Variants in PLG observed in about 807,000 individuals in gnomAD.
The protein encoded by PLG is plasmin.
A neutral mutation model predicts 104.4 loss-of-function variants in PLG; 41 were observed. The observed-to-expected ratio is 0.39, with a 90% CI of 0.31 to 0.51. The LOEUF (loss-of-function observed/expected upper bound fraction) is 0.51. Ranked by LOEUF, PLG falls within the 20% of genes least tolerant of loss-of-function variation. PLG has a pLI of 0.76. For synonymous variants in PLG, 337 were observed against 357.1 expected, an observed-to-expected ratio of 0.94 and a Z score of 0.63; for missense variants, 891 against 1,003.6, an observed-to-expected ratio of 0.89 and a Z score of 1.52.
At position 160,731,773 on chromosome 6, in the gene PLG, C is replaced by T; in HGVS notation, c.1467C>T (p.Tyr489=). The stretch of plus-strand genomic sequence containing the variant: ...GTATGTTTGGGAATGGGAAAGGATA[C>T]CGAGGCAAGAGGGCGACCACTGTTA... ...EDCMFGNGKG[Y]RGKRATTVTG... The change falls in exon 12 of 19, where the codon TAC becomes TAT. Residue 489 remains tyrosine (Y), a synonymous_variant. Coordinates refer to ENST00000308192, the MANE Select transcript of PLG (RefSeq NM_000301.5). The surrounding 1 kb of genome is among the most constrained non-coding windows in gnomAD (Gnocchi z 5.1). The T allele has an allele frequency of 1.2e-6, 2 of 1,613,978 alleles. No homozygotes were observed. The highest frequency in any genetic ancestry group is 1.7e-6 in the Non-Finnish European group (2 of 1,179,908).
At position 160,738,459 on chromosome 6, in the gene PLG, G is replaced by A. The variant is rs539227113; in HGVS notation, c.1803-79G>A. 8.4e-5 allele frequency: 74 copies of A among 883,814 alleles called. 1 individual carries two copies. The highest frequency in any genetic ancestry group is 5.1e-4 in the South Asian group (39 of 76,426). The allele number at this position is 883,814 out of a possible 1,614,324, so 54.7% of individuals were successfully genotyped here. ...TGAACATGGTCAAAATTAAGTGAACGTGTCTTTCTGGCTTTCTGTACAATG... is the reference window on the plus strand; with the variant it reads ...TGAACATGGTCAAAATTAAGTGAACATGTCTTTCTGGCTTTCTGTACAATG... On this transcript the variant is annotated intron_variant, in intron 14 of 18. Coordinates refer to ENST00000308192, the MANE Select transcript of PLG (RefSeq NM_000301.5). This position sits in a 1 kb window ranked among gnomAD's most constrained non-coding sequence, Gnocchi z 6.8.
chr6:160,746,222 C>T (rs1244613277), intron 17 of PLG, among the ~76,000 whole-genome samples: 4 of 152,192 alleles, frequency 2.6e-5, no homozygotes, highest in African/African-American at 9.7e-5. Context: ...GAAATGTTTT[C>T]TAAATTGTTT....
chr6:160,716,589 G>A (rs1777735644), intron 6 of PLG, 56 bp from the exon 7 acceptor site: 1 of 1,038,812 alleles, frequency 9.6e-7, no homozygotes, highest in Non-Finnish European at 1.5e-6. Context: ...TTGAAAAAGA[G>A]TCTTATCCAT....
intron 10 of PLG, among the ~76,000 whole-genome samples, chr6:160,728,269 A>C (rs1024850801): frequency 6.6e-6 from 1 of 152,242 alleles, no homozygotes; most frequent in Non-Finnish European, 1.5e-5. Context: ...TATGTACTGC[A>C]TACTAAAAAA....
intron 9 of PLG, among the ~76,000 whole-genome samples, chr6:160,720,405 C>CTTTTTTTTTTTTTTTT (rs1190930860): frequency 1.1e-4 from 7 of 61,822 alleles, no homozygotes; most frequent in African/African-American, 3.1e-4. Flanking sequence ...TTTTTCTTTT[C>CTTTTTTTTTTTTTTTT]TTTTCTTTTT....
At chr6:160,749,176 G>C (rs1778352285) in intron 17 of PLG, among the ~76,000 whole-genome samples, 1 of 152,174 alleles carries the variant, frequency 6.6e-6, no homozygotes. Flanking sequence ...TGAGCAGTTA[G>C]TTAATCTCTT....
chr6:160,707,978 A>G (rs1317878498), intron 3 of PLG, 172 bp downstream of exon 3: 1 of 630,792 alleles, frequency 1.6e-6, no homozygotes, highest in Non-Finnish European at 2.9e-6. Flanking sequence ...TGTCAGCTTG[A>G]GTGTATTACT....
rs551901998 is a variant in PLG at position 160,741,040 on chromosome 6, C to A, written c.2019-271C>A. Reference sequence around the variant, plus strand: ...CACAGAATATACATGAGAAGTGCGCCTTTGTCATCCCTACTTTCAAAGGTG... The same window carrying A: ...CACAGAATATACATGAGAAGTGCGCATTTGTCATCCCTACTTTCAAAGGTG... On this transcript the variant is annotated intron_variant, in intron 16 of 18. Coordinates refer to ENST00000308192, the MANE Select transcript of PLG (RefSeq NM_000301.5). The surrounding 1 kb of genome is among the most constrained non-coding windows in gnomAD (Gnocchi z 4.7). 7.2e-5 allele frequency among the ~76,000 whole-genome samples: 11 copies of A among 152,298 alleles called. No homozygotes were observed. The highest frequency in any genetic ancestry group is 2.4e-4 in the African/African-American group (10 of 41,576).
intron 17 of PLG, among the ~76,000 whole-genome samples, chr6:160,749,488 C>T (rs893144262): frequency 6.1e-5 from 9 of 147,198 alleles, no homozygotes; most frequent in Non-Finnish European, 1.1e-4. Flanking sequence ...ATCATCACCA[C>T]CACCACCACC....
At chr6:160,749,837 TATC>T (rs371391148) in intron 17 of PLG, among the ~76,000 whole-genome samples, 12 of 142,406 alleles carry the variant, frequency 8.4e-5, no homozygotes, top group African/African-American at 2.7e-4. Flanking sequence ...CCAGCACAAT[TATC>T]ATTACCACCA....
intron 17 of PLG, among the ~76,000 whole-genome samples, chr6:160,751,420 A>C (rs1335327160): frequency 1.3e-5 from 2 of 152,236 alleles, no homozygotes; most frequent in African/African-American, 2.4e-5. Flanking sequence ...GCGAGGATTA[A>C]GTGAGATACA....
In PLG at chr6:160,741,063, G is replaced by A. The variant is rs1364887016; in HGVS notation, c.2019-248G>A. 6.6e-6 allele frequency among the ~76,000 whole-genome samples: 1 copy of A among 152,196 alleles called. No individual in the cohort carries two copies. Among genetic ancestry groups the A allele is most frequent in the Non-Finnish European group, 1.5e-5 (1 of 68,036 alleles). On this transcript the variant is annotated intron_variant, in intron 16 of 18. Transcript: ENST00000308192. The surrounding 1 kb of genome is among the most constrained non-coding windows in gnomAD (Gnocchi z 4.7). ...GCCTTTGTCATCCCTACTTTCAAAG[G>A]TGAAGGCCACCAGCAGTATCTTGCA...
rs548836945 is a variant in PLG, at chr6:160,741,016, A to G, written c.2019-295A>G. On this transcript the variant is annotated intron_variant, in intron 16 of 18. Transcript: ENST00000308192. The surrounding 1 kb of genome is among the most constrained non-coding windows in gnomAD (Gnocchi z 4.7). ...ACTCAGCATGAGATTCCAGTTGTGCACAGAATATACATGAGAAGTGCGCCT... is the reference window on the plus strand; with the variant it reads ...ACTCAGCATGAGATTCCAGTTGTGCGCAGAATATACATGAGAAGTGCGCCT... Among the ~76,000 whole-genome samples, 1 of 152,338 alleles carries G rather than the reference A, an allele frequency of 6.6e-6. No homozygotes were observed. Among genetic ancestry groups the G allele is most frequent in the East Asian group, 1.9e-4 (1 of 5,184 alleles).
intron 1 of PLG, among the ~76,000 whole-genome samples, chr6:160,704,161 T>C (rs1777475852): frequency 6.6e-6 from 1 of 152,236 alleles, no homozygotes; most frequent in South Asian, 2.1e-4. Context: ...TGTTTGATGT[T>C]TCCTTGCCAG....
At chr6:160,745,860 G>A (rs1778268759) in intron 17 of PLG, among the ~76,000 whole-genome samples, 1 of 152,234 alleles carries the variant, frequency 6.6e-6, no homozygotes, top group East Asian at 1.9e-4. Context: ...TTGCTTAGCT[G>A]AAAATGATCT....
chr6:160,750,865 T>G (rs1778389999), intron 17 of PLG, among the ~76,000 whole-genome samples: 1 of 152,124 alleles, frequency 6.6e-6, no homozygotes, highest in South Asian at 2.1e-4. Context: ...GAGACATCCC[T>G]GGGCATGTCT....
At chr6:160,703,621 C>T (rs903515594) in intron 1 of PLG, among the ~76,000 whole-genome samples, 1 of 152,152 alleles carries the variant, frequency 6.6e-6, no homozygotes, top group African/African-American at 2.4e-5. Context: ...GAGTCAAATA[C>T]ATTTGAATTT....
At chr6:160,747,975 C>G (rs891248172) in intron 17 of PLG, among the ~76,000 whole-genome samples, 6 of 152,180 alleles carry the variant, frequency 3.9e-5, no homozygotes, top group African/African-American at 1.4e-4. Context: ...AATTAGAACC[C>G]TGGCTCCCAT....
rs1440200140 is a variant in PLG at position 160,740,413 on chromosome 6, TGGA to T, written c.2019-893_2019-891del. The stretch of plus-strand genomic sequence containing the variant: ...CAAGTAATTTGGAAATTTTGGGTTT[TGGA>T]GGAGTTCTCTGATAGGCTGATACAT... On this transcript the variant is annotated intron_variant, in intron 16 of 18. Coordinates refer to ENST00000308192, the MANE Select transcript of PLG (RefSeq NM_000301.5). This position sits in a 1 kb window ranked among gnomAD's most constrained non-coding sequence, Gnocchi z 5.2. Among the ~76,000 whole-genome samples the T allele has an allele frequency of 6.6e-6, 1 of 152,178 alleles. No individual in the cohort carries two copies. The highest frequency in any genetic ancestry group is 1.5e-5 in the Non-Finnish European group (1 of 68,034).
Sources: gnomAD v4.1 joint callset for allele counts (sites outside exome capture counted in the v4.1 genomes callset) on GRCh38, gnomAD v4.1.1 for gene constraint, Gnocchi (gnomAD v3.1) non-coding constraint, MANE v1.5 for transcripts, NCBI Gene and HGNC (gene_info 2026-07-23, HGNC 2026-07-21) for gene names.